Variants in THSD1 observed in about 807,000 individuals in gnomAD.
The protein encoded by THSD1 is thrombospondin type 1 domain containing 1.
A neutral mutation model predicts 46.3 loss-of-function variants in THSD1; 34 were observed. The ratio of observed to expected loss-of-function variants is 0.74; its 90% CI spans 0.56 to 0.98. The LOEUF is 0.98. Ranked by LOEUF, THSD1 falls within the 50% of genes least tolerant of loss-of-function variation. THSD1 has a pLI of 0.00. For synonymous variants in THSD1, 407 were observed against 416.5 expected (o/e 0.98, Z 0.28); for missense variants, 1,023 against 1,058.3 (o/e 0.97, Z 0.46).
At chr13:52,396,284 G>T (rs1312845357) in intron 3 of THSD1, among the ~76,000 whole-genome samples, 1 of 152,186 alleles carries the variant, frequency 6.6e-6, no homozygotes, top group Non-Finnish European at 1.5e-5. Flanking sequence ...AGCACTTTGG[G>T]AGGCCGAGGC....
In THSD1 at chr13:52,377,658, G is replaced by C; in HGVS notation, c.2312C>G (p.Ser771Ter). ...RGPSPSHKSV[S>*]RKQSSPISPK... Reference sequence around the variant, plus strand: ...GGATATGGGAGAAGACTGCTTCCTTGAGACACTCTTGTGACTGGGGGACGG... The same window carrying C: ...GGATATGGGAGAAGACTGCTTCCTTCAGACACTCTTGTGACTGGGGGACGG... The change falls in exon 5 of 5, where the codon TCA becomes TGA. Residue 771 changes from serine (S) to a stop codon, truncating the protein, a stop_gained. Transcript: ENST00000258613. LOFTEE classifies it high-confidence loss of function. 1 of 1,610,156 alleles carries C rather than the reference G, an allele frequency of 6.2e-7. No homozygotes were observed. Among genetic ancestry groups the C allele is most frequent in the Non-Finnish European group, 8.5e-7 (1 of 1,176,860 alleles).
chr13:52,384,786 G>T (rs1228443493), intron 4 of THSD1, among the ~76,000 whole-genome samples: 1 of 152,162 alleles, frequency 6.6e-6, no homozygotes, highest in Non-Finnish European at 1.5e-5. Flanking sequence ...CAAGGAAGGT[G>T]CTGTGGAAAG....
chr13:52,394,229 A>G (rs1957794965), intron 3 of THSD1, among the ~76,000 whole-genome samples: 1 of 152,206 alleles, frequency 6.6e-6, no homozygotes, highest in Non-Finnish European at 1.5e-5. Context: ...TGTGACCTTA[A>G]TTAAATGGCC....
chr13:52,381,000 T>C (rs952261862), intron 4 of THSD1, among the ~76,000 whole-genome samples: 1 of 152,046 alleles, frequency 6.6e-6, no homozygotes, highest in Non-Finnish European at 1.5e-5. Context: ...ATCCAACATA[T>C]AGTACCTTCC....
At position 52,397,482 on chromosome 13, in the gene THSD1, C is replaced by T; in HGVS notation, c.771G>A (p.Glu257=). Residue 257 remains glutamate, a synonymous_variant, in exon 3 of 5, where the codon GAG becomes GAA. Transcript: ENST00000258613. ...VPELTCESGV[E]VTVLPPPCTF... The stretch of plus-strand genomic sequence containing the variant: ...TGCATGGTGGAGGCAGCACTGTCAC[C>T]TCTACCCCGGACTCACATGTGAGTT... The T allele has an allele frequency of 1.9e-6, 3 of 1,614,110 alleles. No homozygotes were observed. The highest frequency in any genetic ancestry group is 2.5e-6 in the Non-Finnish European group (3 of 1,180,034).
intron 3 of THSD1, among the ~76,000 whole-genome samples, chr13:52,388,413 T>C (rs867170427): frequency 6.6e-6 from 1 of 152,164 alleles, no homozygotes; most frequent in Non-Finnish European, 1.5e-5. Flanking sequence ...AAATCATTTT[T>C]CTCATTTTTA....
chr13:52,399,010 T>C (rs911518667), intron 2 of THSD1, among the ~76,000 whole-genome samples: 2 of 152,232 alleles, frequency 1.3e-5, no homozygotes, highest in African/African-American at 4.8e-5. Context: ...TCAGTTTGTA[T>C]GAGGCAGACA....
chr13:52,404,049 G>A (rs1957887806), intron 1 of THSD1, among the ~76,000 whole-genome samples: 1 of 144,340 alleles, frequency 6.9e-6, no homozygotes, highest in Non-Finnish European at 1.5e-5. Context: ...CCAGGTTCAA[G>A]TGATTGTCCC....
At chr13:52,399,441 T>C (rs1203722423) in intron 2 of THSD1, among the ~76,000 whole-genome samples, 2 of 152,242 alleles carry the variant, frequency 1.3e-5, no homozygotes, top group Non-Finnish European at 2.9e-5. Flanking sequence ...ATTATTCTTA[T>C]TATATATGCC....
intron 2 of THSD1, among the ~76,000 whole-genome samples, chr13:52,401,881 G>A (rs942918976): frequency 6.6e-6 from 1 of 152,220 alleles, no homozygotes; most frequent in African/African-American, 2.4e-5. Context: ...ATCATCAAAA[G>A]TAGTGAAGAT....
chr13:52,382,416 A>G (rs893859270), intron 4 of THSD1, among the ~76,000 whole-genome samples: 1 of 152,172 alleles, frequency 6.6e-6, no homozygotes, highest in Non-Finnish European at 1.5e-5. Flanking sequence ...ATCTGCTGCC[A>G]TGCCTAACCT....
In THSD1 at chr13:52,397,815, T is replaced by C. The variant is rs760687030; in HGVS notation, c.438A>G (p.Gln146=). ...GTGGTTGACTGGTAAATAGGCCCAC[T>C]TGGAAGGTGCCTTCTGCTGCCTTGG... The part of the protein sequence containing the change: ...RSAKAAEGTF[Q]VGLFTSQPLC... Residue 146 remains glutamine, a synonymous_variant, in exon 3 of 5, where the codon CAA becomes CAG. Transcript: ENST00000258613. 6.2e-6 allele frequency: 10 copies of C among 1,614,260 alleles called. No homozygotes were observed. In the South Asian group the frequency reaches 1.1e-4, roughly 18 times the overall value.
intron 3 of THSD1, among the ~76,000 whole-genome samples, chr13:52,396,567 C>A (rs1425779044): frequency 6.6e-6 from 1 of 152,086 alleles, no homozygotes; most frequent in Non-Finnish European, 1.5e-5. Context: ...ACGAACGAGA[C>A]CATTTCTGCC....
At chr13:52,380,073 A>G (rs928102864) in intron 4 of THSD1, among the ~76,000 whole-genome samples, 2 of 151,514 alleles carry the variant, frequency 1.3e-5, no homozygotes, top group Non-Finnish European at 2.9e-5. Context: ...TCCCCTTCCT[A>G]CCTTCCATTG....
At chr13:52,385,969 A>G in intron 4 of THSD1, 59 bp downstream of exon 4, 1 of 1,536,150 alleles carries the variant, frequency 6.5e-7, no homozygotes, top group Non-Finnish European at 8.9e-7. Context: ...GCCTGGGTTC[A>G]ATATTCCTTC....
chr13:52,401,998 C>T (rs559521074), intron 2 of THSD1, among the ~76,000 whole-genome samples: 90 of 152,332 alleles, frequency 5.9e-4, no homozygotes, highest in African/African-American at 1.8e-3. Context: ...TAAGCACCTA[C>T]TATTTGCTCA....
intron 2 of THSD1, among the ~76,000 whole-genome samples, chr13:52,401,458 C>G (rs1305785346): frequency 6.6e-6 from 1 of 151,756 alleles, no homozygotes; most frequent in African/African-American, 2.4e-5. Context: ...GCCACCACAT[C>G]CGGCTAATTT....
chr13:52,393,167 T>C (rs1174294029), intron 3 of THSD1, among the ~76,000 whole-genome samples: 1 of 152,196 alleles, frequency 6.6e-6, no homozygotes, highest in Non-Finnish European at 1.5e-5. Flanking sequence ...ATTACTAACC[T>C]TTCTGTGCCT....
intron 1 of THSD1, 189 bp from the exon 2 acceptor site, chr13:52,402,870 C>CA (rs1491344015): frequency 5.1e-6 from 5 of 984,822 alleles, no homozygotes; most frequent in African/African-American, 3.5e-5. Flanking sequence ...CATTATAACT[C>CA]ACAGGTCAAG....
Sources: allele counts gnomAD v4.1 joint callset (sites outside exome capture counted in the v4.1 genomes callset), GRCh38; gene constraint gnomAD v4.1.1; transcripts MANE v1.5; gene names NCBI Gene and HGNC (gene_info 2026-07-23, HGNC 2026-07-21).